The following DOCK7 variants were observed in gnomAD, a reference collection of about 807,000 sequenced individuals.
DOCK7 encodes the protein dedicator of cytokinesis protein 7.
In DOCK7, 138 loss-of-function variants were observed where a neutral mutation model predicts 271.0. That is an observed-to-expected ratio of 0.51 (90% CI 0.44 to 0.59). The LOEUF (loss-of-function observed/expected upper bound fraction) is 0.59, where lower values mean the gene tolerates loss of function less well. Among genes scored for constraint, DOCK7 ranks in the 20% least tolerant of loss-of-function variants. The pLI is 0.00. For missense variants in DOCK7, 2,066 were observed against 2,592.4 expected (o/e 0.80, Z 4.41); for synonymous variants, 823 against 876.1 (o/e 0.94, Z 1.07).
At chr1:62,601,955 G>A (rs1235048599) in intron 14 of DOCK7, 1 of 886,426 alleles carries the variant, frequency 1.1e-6, no homozygotes, top group Middle Eastern at 2.2e-4. Context: ...GATTAACCTG[G>A]TTATCATTGT....
chr1:62,564,951 G>A lies in DOCK7; in HGVS notation c.2113-3248C>T, dbSNP rs542330950. 3.3e-5 allele frequency among the ~76,000 whole-genome samples: 5 copies of A among 152,270 alleles called. No homozygotes were observed. The East Asian group carries it at 7.7e-4, about 23-fold the overall frequency. On this transcript the variant is annotated intron_variant, in intron 18 of 49. Coordinates refer to ENST00000635253, the MANE Select transcript of DOCK7 (RefSeq NM_001367561.1). ...TGCAAATAAACTAGAAAATCTAGAA[G>A]AAATGAATAAATTCCTGGATACATA...
chr1:62,518,343 G>T (rs1644736234), intron 31 of DOCK7, among the ~76,000 whole-genome samples: 1 of 152,118 alleles, frequency 6.6e-6, no homozygotes, highest in Admixed American at 6.6e-5. Context: ...AGGTTGAGGT[G>T]GGTGGATCAC....
chr1:62,679,140 A>C (rs1660843607), intron 1 of DOCK7, among the ~76,000 whole-genome samples: 1 of 152,196 alleles, frequency 6.6e-6, no homozygotes, highest in Non-Finnish European at 1.5e-5. Flanking sequence ...TACACATATC[A>C]AGACAAGGTG....
chr1:62,566,035 G>C (rs1276285717), intron 18 of DOCK7, among the ~76,000 whole-genome samples: 1 of 152,134 alleles, frequency 6.6e-6, no homozygotes, highest in Non-Finnish European at 1.5e-5. Context: ...ACACATTACT[G>C]CTCAAGGAAA....
At chr1:62,494,909 CAG>C (rs141926459) in intron 39 of DOCK7, 1,758 of 153,414 alleles carry the variant, frequency 0.011, 41 homozygotes, top group African/African-American at 0.04. Context: ...GGTCATATGA[CAG>C]AGAAAAATTC....
intron 1 of DOCK7, among the ~76,000 whole-genome samples, chr1:62,665,409 A>G (rs974763947): frequency 6.6e-6 from 1 of 152,150 alleles, no homozygotes; most frequent in African/African-American, 2.4e-5. Context: ...AAAGCCTTTA[A>G]AAAGACACAA....
chr1:62,469,004 A>T (rs555119557), intron 48 of DOCK7, among the ~76,000 whole-genome samples: 148 of 152,302 alleles, frequency 9.7e-4, no homozygotes, highest in African/African-American at 3.5e-3. Flanking sequence ...GCCAAAAGCA[A>T]TCTACAAATT....
intron 48 of DOCK7, among the ~76,000 whole-genome samples, chr1:62,472,070 G>T (rs1252753961): frequency 6.6e-6 from 1 of 151,882 alleles, no homozygotes; most frequent in Admixed American, 6.6e-5. Flanking sequence ...ATATTATGTA[G>T]TTTTATTTTT....
intron 39 of DOCK7, 109 bp from the exon 40 acceptor site, chr1:62,494,576 A>C: frequency 1.1e-6 from 1 of 939,546 alleles, no homozygotes; most frequent in Non-Finnish European, 1.5e-6. Context: ...ACTGTGCACA[A>C]CCTACTTAGT....
At chr1:62,567,367 A>C (rs1364147549) in intron 18 of DOCK7, among the ~76,000 whole-genome samples, 1 of 152,242 alleles carries the variant, frequency 6.6e-6, no homozygotes, top group Non-Finnish European at 1.5e-5. Context: ...CTATGCAGCC[A>C]TAAAAAAGGA....
intron 22 of DOCK7, among the ~76,000 whole-genome samples, chr1:62,549,789 C>A (rs1312908265): frequency 6.6e-6 from 1 of 151,800 alleles, no homozygotes; most frequent in African/African-American, 2.4e-5. Context: ...TTTTCTGTAC[C>A]CATTAACTAT....
At chr1:62,516,085 G>A (rs971801119) in intron 31 of DOCK7, among the ~76,000 whole-genome samples, 1 of 151,850 alleles carries the variant, frequency 6.6e-6, no homozygotes, top group Non-Finnish European at 1.5e-5. Flanking sequence ...TCTAGACAAA[G>A]AAAGAACTTT....
chr1:62,687,885 G>C (rs932321400), intron 1 of DOCK7, among the ~76,000 whole-genome samples: 1 of 152,216 alleles, frequency 6.6e-6, no homozygotes, highest in African/African-American at 2.4e-5. Flanking sequence ...GGAACACAAA[G>C]AATTTGGGAA....
intron 14 of DOCK7, among the ~76,000 whole-genome samples, chr1:62,600,373 T>C (rs952086644): frequency 6.6e-6 from 1 of 151,832 alleles, no homozygotes; most frequent in Non-Finnish European, 1.5e-5. Context: ...AAGCAAACTT[T>C]ACAATAGATC....
intron 44 of DOCK7, among the ~76,000 whole-genome samples, chr1:62,476,743 T>A (rs1645979833): frequency 6.6e-6 from 1 of 152,172 alleles, no homozygotes; most frequent in South Asian, 2.1e-4. Flanking sequence ...ATGAAGCTAT[T>A]CAAAAGGAAA....
rs563504587 is a variant in DOCK7 at position 62,604,892 on chromosome 1, T to C, written c.1682+13814A>G. 2.4e-5 allele frequency: 35 copies of C among 1,467,570 alleles called. No homozygotes were observed. The African/African-American group carries it at 4.6e-4, about 19-fold the overall frequency. 90.9% of individuals were successfully genotyped at this position (1,467,570 alleles called of 1,614,324 possible). A position where few individuals can be genotyped will look rare whatever the true frequency, so the allele number is the denominator to read the frequency against. On this transcript the variant is annotated intron_variant, in intron 14 of 49. Coordinates refer to ENST00000635253, the MANE Select transcript of DOCK7 (RefSeq NM_001367561.1). ...GTTAATGTGGTCTAATAATCTGGTA[T>C]TAAATCCTTAAGAGAAAGCTTGAGA...
At chr1:62,474,697 T>C (rs1447905493) in intron 47 of DOCK7, among the ~76,000 whole-genome samples, 1 of 152,224 alleles carries the variant, frequency 6.6e-6, no homozygotes, top group Non-Finnish European at 1.5e-5. Context: ...CTTTCTGTAT[T>C]TTCCCTTATC....
chr1:62,632,668 A>G (rs1317156642), intron 10 of DOCK7, among the ~76,000 whole-genome samples: 1 of 151,902 alleles, frequency 6.6e-6, no homozygotes, highest in South Asian at 2.1e-4. Flanking sequence ...TTTTGCTTTT[A>G]TAAGTTTATA....
intron 1 of DOCK7, among the ~76,000 whole-genome samples, chr1:62,671,153 A>G (rs925348731): frequency 6.6e-6 from 1 of 152,154 alleles, no homozygotes; most frequent in Non-Finnish European, 1.5e-5. Flanking sequence ...CAGAAGGGAC[A>G]GACTCCAGAC....
Sources: gnomAD v4.1 joint callset for allele counts (sites outside exome capture counted in the v4.1 genomes callset) on GRCh38, gnomAD v4.1.1 for gene constraint, MANE v1.5 for transcripts, NCBI Gene and HGNC (gene_info 2026-07-23, HGNC 2026-07-21) for gene names.